MPHOSPH8: variants seen among roughly 807,000 people sequenced by gnomAD.
MPHOSPH8 encodes M-phase phosphoprotein, mpp.
MPHOSPH8 carries 45 observed loss-of-function variants against 87.3 expected under a neutral mutation model. The observed-to-expected ratio is 0.52, with a 90% CI of 0.41 to 0.66. The LOEUF (loss-of-function observed/expected upper bound fraction) is 0.66. Ranked by LOEUF, MPHOSPH8 falls within the 30% of genes least tolerant of loss-of-function variation. The pLI is 0.00. For missense variants in MPHOSPH8, 883 were observed against 1,020.2 expected, an observed-to-expected ratio of 0.87 and a Z score of 1.83; for synonymous variants, 366 against 376.9, an observed-to-expected ratio of 0.97 and a Z score of 0.33.
At chr13:19,668,863 A>G (rs1682248617) in intron 11 of MPHOSPH8, among the ~76,000 whole-genome samples, 1 of 152,190 alleles carries the variant, frequency 6.6e-6, no homozygotes, top group Admixed American at 6.5e-5. Context: ...TGCCCTTTGA[A>G]AAAGAAAAAA....
rs10531847 is a variant in MPHOSPH8, at chr13:19,673,098, GTTT to G, written c.*1233_*1235del. ...CTTGGAACCTATACGGTTTTTTTTT[GTTT>G]TTTTTTTTTGAAAAGCCAGACCTTG... is the stretch of plus-strand genomic sequence containing the variant. On this transcript the variant is annotated 3_prime_UTR_variant, in exon 14 of 14. Transcript: ENST00000361479. 2,304 of 407,322 alleles carry G rather than the reference GTTT, an allele frequency of 5.7e-3. 54 individuals carry two copies. The highest frequency in any genetic ancestry group is 0.046 in the African/African-American group (2,067 of 44,706). 25.2% of individuals were successfully genotyped at this position (407,322 alleles called of 1,614,324 possible). A position where few individuals can be genotyped will look rare whatever the true frequency, so the allele number is the denominator to read the frequency against.
At chr13:19,650,316 C>T (rs781689722) in intron 5 of MPHOSPH8, 56 bp downstream of exon 5, 27 of 1,536,516 alleles carry the variant, frequency 1.8e-5, no homozygotes, top group Non-Finnish European at 2.2e-5. Flanking sequence ...TATTATTTTA[C>T]TGTACTCTTC....
chr13:19,659,955 A>ATTT (rs34817892), intron 7 of MPHOSPH8, among the ~76,000 whole-genome samples: 102 of 59,132 alleles, frequency 1.7e-3, no homozygotes, highest in Middle Eastern at 0.011. Flanking sequence ...ATATGTATGG[A>ATTT]TTTTTTTTTT....
intron 7 of MPHOSPH8, chr13:19,659,756 C>A: frequency 3.0e-6 from 1 of 337,192 alleles, no homozygotes; most frequent in Non-Finnish European, 5.9e-6. Flanking sequence ...TAATTCCAAC[C>A]CCCTCCCCTC....
intron 9 of MPHOSPH8, among the ~76,000 whole-genome samples, chr13:19,664,137 C>A (rs1221045722): frequency 6.6e-6 from 1 of 152,204 alleles, no homozygotes; most frequent in African/African-American, 2.4e-5. Context: ...AGCCACCACA[C>A]CCAGCCATTT....
intron 8 of MPHOSPH8, among the ~76,000 whole-genome samples, chr13:19,662,204 G>A (rs1875577360): frequency 6.6e-6 from 1 of 152,198 alleles, no homozygotes; most frequent in Non-Finnish European, 1.5e-5. Flanking sequence ...CTCCCAAAGT[G>A]CTGGTATTAC....
chr13:19,642,301 C>T (rs1874337742), intron 2 of MPHOSPH8, 31 bp downstream of exon 2: 5 of 1,510,608 alleles, frequency 3.3e-6, no homozygotes, highest in Non-Finnish European at 3.5e-6. Flanking sequence ...TTTGTTTTTA[C>T]ATACATAAAT....
intron 1 of MPHOSPH8, among the ~76,000 whole-genome samples, chr13:19,637,934 T>C (rs1874090354): frequency 6.6e-6 from 1 of 151,578 alleles, no homozygotes; most frequent in African/African-American, 2.4e-5. Flanking sequence ...ACCCCGTCTC[T>C]ACTAAAAATA....
chr13:19,655,472 A>ACAC lies in MPHOSPH8; in HGVS notation c.1577-3499_1577-3497dup, dbSNP rs368185684. Among the ~76,000 whole-genome samples, 412 of 151,954 alleles carry ACAC rather than the reference A, an allele frequency of 2.7e-3. 2 individuals are homozygous for ACAC. The highest frequency in any genetic ancestry group is 8.6e-3 in the African/African-American group (357 of 41,426). Reference sequence around the variant, plus strand: ...AACAGAGTGAGACTCTGTCTCAAAAACACCACCACCACCACCACCACCACC... The same window carrying ACAC: ...AACAGAGTGAGACTCTGTCTCAAAAACACCACCACCACCACCACCACCACCACC... On this transcript the variant is annotated intron_variant, in intron 5 of 13. Coordinates refer to ENST00000361479, the MANE Select transcript of MPHOSPH8 (RefSeq NM_017520.4).
chr13:19,644,906 T>G (rs1784935354), intron 2 of MPHOSPH8, among the ~76,000 whole-genome samples: 1 of 152,198 alleles, frequency 6.6e-6, no homozygotes, highest in Non-Finnish European at 1.5e-5. Flanking sequence ...TTCTCTTCTG[T>G]TTTATAGACA....
intron 5 of MPHOSPH8, among the ~76,000 whole-genome samples, chr13:19,658,250 A>G (rs1029815550): frequency 2.0e-5 from 3 of 152,196 alleles, no homozygotes; most frequent in African/African-American, 7.2e-5. Flanking sequence ...CATCATCTAT[A>G]TAGTTTGAGG....
Position 19,659,049 on chromosome 13 carries a change from A to G in MPHOSPH8, c.1631A>G (p.Lys544Arg). 4 of 1,614,194 alleles carry G rather than the reference A, an allele frequency of 2.5e-6. No homozygotes were observed. Among genetic ancestry groups the G allele is most frequent in the Middle Eastern group, 1.6e-4 (1 of 6,062 alleles). ...ATGGACCTGCAGTTGGAATGGATGA[A>G]GTTGGAAGATTTCCAAAAGCACCTT... ...LGMDLQLEWMKLEDFQKHLDG... is the reference protein window; with the variant it reads ...LGMDLQLEWMRLEDFQKHLDG... Residue 544 changes from lysine (K) to arginine (R), a missense_variant, in exon 6 of 14, where the codon AAG becomes AGG. By Grantham distance (26) the Lys-to-Arg change is conservative (BLOSUM62 2). Transcript: ENST00000361479.
chr13:19,635,388 C>T (rs548927796), intron 1 of MPHOSPH8, among the ~76,000 whole-genome samples: 41 of 152,102 alleles, frequency 2.7e-4, no homozygotes, highest in African/African-American at 8.0e-4. Context: ...ATTAGCTGGG[C>T]GAGGTAGCGG....
At chr13:19,642,041 T>TTC in intron 1 of MPHOSPH8, 74 bp from the exon 2 acceptor site, 1 of 656,194 alleles carries the variant, frequency 1.5e-6, no homozygotes, top group Non-Finnish European at 1.9e-6. Context: ...TTCTCATCAG[T>TTC]TTTTTTTTTT....
intron 1 of MPHOSPH8, among the ~76,000 whole-genome samples, chr13:19,640,610 A>T (rs1256361238): frequency 6.6e-6 from 1 of 151,548 alleles, no homozygotes; most frequent in Admixed American, 6.6e-5. Flanking sequence ...AGCTTAAGCG[A>T]TCCTCCCACT....
chr13:19,649,803 A>G (rs571719146), intron 4 of MPHOSPH8, among the ~76,000 whole-genome samples, 200 bp from the exon 5 acceptor site: 1 of 152,366 alleles, frequency 6.6e-6, no homozygotes, highest in Non-Finnish European at 1.5e-5. Context: ...TCCTTTCTGA[A>G]TATTGAGCAG....
chr13:19,641,727 C>G (rs1319346924), intron 1 of MPHOSPH8, among the ~76,000 whole-genome samples: 1 of 152,008 alleles, frequency 6.6e-6, no homozygotes, highest in African/African-American at 2.4e-5. Flanking sequence ...AACTCCTGAC[C>G]TCAGGTGATG....
At chr13:19,660,380 G>A (rs1233696270) in intron 7 of MPHOSPH8, among the ~76,000 whole-genome samples, 3 of 152,106 alleles carry the variant, frequency 2.0e-5, no homozygotes, top group Middle Eastern at 3.4e-3. Flanking sequence ...CATATCTGTT[G>A]ATCTTTTACA....
chr13:19,642,554 C>T (rs936652967), intron 2 of MPHOSPH8, among the ~76,000 whole-genome samples: 2 of 152,108 alleles, frequency 1.3e-5, no homozygotes, highest in Admixed American at 1.3e-4. Context: ...AAAAAAGAGA[C>T]ATGCCAAACT....
Sources: allele counts gnomAD v4.1 joint callset (sites outside exome capture counted in the v4.1 genomes callset), GRCh38; gene constraint gnomAD v4.1.1; transcripts MANE v1.5; gene names NCBI Gene and HGNC (gene_info 2026-07-23, HGNC 2026-07-21).